IQCJ: variants seen among roughly 807,000 people sequenced by gnomAD.
IQCJ encodes IQ domain-containing protein J.
A neutral mutation model predicts 11.0 loss-of-function variants in IQCJ; 9 were observed. The observed-to-expected ratio is 0.82, with a 90% CI of 0.49 to 1.43. The LOEUF is 1.43. Ranked by LOEUF, IQCJ falls within the 40% of genes most tolerant of loss-of-function variation. IQCJ has a pLI of 0.00. For missense variants in IQCJ, 146 were observed against 133.2 expected (o/e 1.10, Z -0.47); for synonymous variants, 55 against 51.3 (o/e 1.07, Z -0.31).
chr3:159,138,844 A>G (rs945499900), intron 1 of IQCJ, among the ~76,000 whole-genome samples: 3 of 152,306 alleles, frequency 2.0e-5, no homozygotes, highest in East Asian at 1.9e-4. Flanking sequence ...ATAGTTTTCT[A>G]TACATATTTA....
chr3:159,200,071 G>A (rs1188681239), intron 1 of IQCJ, among the ~76,000 whole-genome samples: 3 of 109,950 alleles, frequency 2.7e-5, no homozygotes, highest in Non-Finnish European at 5.4e-5. Flanking sequence ...ATATATATGT[G>A]TGTGCATATA....
At chr3:159,132,692 A>C (rs1501287) in intron 1 of IQCJ, among the ~76,000 whole-genome samples, 102,303 of 152,024 alleles carry the variant, frequency 0.67, 34,580 homozygotes, top group East Asian at 0.71. Flanking sequence ...AATTTAGGAA[A>C]TTACTTGCTC....
At chr3:159,182,778 TTTA>T (rs1723172509) in intron 1 of IQCJ, among the ~76,000 whole-genome samples, 1 of 116,978 alleles carries the variant, frequency 8.5e-6, no homozygotes, top group Non-Finnish European at 1.8e-5. Flanking sequence ...TTTTATTTAT[TTTA>T]TTTTTTTTCA....
intron 1 of IQCJ, among the ~76,000 whole-genome samples, chr3:159,181,844 C>T (rs1340158170): frequency 6.6e-6 from 1 of 151,690 alleles, no homozygotes; most frequent in Admixed American, 6.6e-5. Flanking sequence ...GCACCATCTC[C>T]AAACTGATGT....
chr3:159,114,103 A>G (rs1460694106), intron 1 of IQCJ, among the ~76,000 whole-genome samples: 1 of 152,124 alleles, frequency 6.6e-6, no homozygotes, highest in African/African-American at 2.4e-5. Context: ...TAAAATTGGC[A>G]CTTGCTAATT....
chr3:159,150,676 C>A (rs1334695532), intron 1 of IQCJ, among the ~76,000 whole-genome samples: 1 of 151,934 alleles, frequency 6.6e-6, no homozygotes, highest in Non-Finnish European at 1.5e-5. Flanking sequence ...CATTTCTGTA[C>A]CCTTTGTGTC....
At chr3:159,091,533 C>T (rs1717283565) in intron 1 of IQCJ, among the ~76,000 whole-genome samples, 2 of 151,534 alleles carry the variant, frequency 1.3e-5, no homozygotes, top group African/African-American at 4.9e-5. Context: ...ATATCATCAC[C>T]TTGGGGATTA....
chr3:159,116,640 A>G (rs1210699094), intron 1 of IQCJ, among the ~76,000 whole-genome samples: 1 of 33,794 alleles, frequency 3.0e-5, no homozygotes, highest in African/African-American at 1.2e-4. Context: ...ATATATATAT[A>G]TATATATATA....
Position 159,159,822 on chromosome 3 carries a change from A to ACT in IQCJ, c.10-86008_10-86007dup, listed in dbSNP as rs564486416. Among the ~76,000 whole-genome samples, 114 of 149,892 alleles carry ACT rather than the reference A, an allele frequency of 7.6e-4. 3 individuals are homozygous for ACT. Among genetic ancestry groups the ACT allele is most frequent in the South Asian group, 6.8e-3 (32 of 4,722 alleles). On this transcript the variant is annotated intron_variant, in intron 1 of 3. Transcript: ENST00000397832. ...CCACAACTTTCCCTCTCTCTATATT[A>ACT]CTCTCTCTCTCTCTTTCTGTCTCTC...
At chr3:159,078,965 AATT>A (rs1240821012) in intron 1 of IQCJ, among the ~76,000 whole-genome samples, 2 of 152,096 alleles carry the variant, frequency 1.3e-5, no homozygotes, top group African/African-American at 4.8e-5. Flanking sequence ...TGGCAATAAT[AATT>A]ATTAATAATA....
intron 1 of IQCJ, among the ~76,000 whole-genome samples, chr3:159,191,682 C>A (rs1723698850): frequency 6.6e-6 from 1 of 152,150 alleles, no homozygotes; most frequent in Non-Finnish European, 1.5e-5. Context: ...ATCTGAGGAG[C>A]TACAAAGTAC....
rs368929112 is a variant in IQCJ at position 159,200,030 on chromosome 3, C to CTATATATATATATATATATATATA, written c.10-45795_10-45794insTATATATATATATATATATATATA. Among the ~76,000 whole-genome samples, 710 of 119,134 alleles carry CTATATATATATATATATATATATA rather than the reference C, an allele frequency of 6.0e-3. 7 individuals are homozygous for CTATATATATATATATATATATATA. Among genetic ancestry groups the CTATATATATATATATATATATATA allele is most frequent in the East Asian group, 9.6e-3 (34 of 3,526 alleles). 78.2% of individuals were successfully genotyped at this position (119,134 alleles called of 152,430 possible). A position where few individuals can be genotyped will look rare whatever the true frequency, so the allele number is the denominator to read the frequency against. On this transcript the variant is annotated intron_variant, in intron 1 of 3. Coordinates refer to ENST00000397832, the MANE Select transcript of IQCJ (RefSeq NM_001042706.3). ...TAAGATTGTTATAAGGAGTAAACGA[C>CTATATATATATATATATATATATA]TATATATATATATATATAAATCTAA...
intron 1 of IQCJ, among the ~76,000 whole-genome samples, chr3:159,117,569 T>C (rs984537133): frequency 1.3e-5 from 2 of 152,238 alleles, no homozygotes; most frequent in African/African-American, 4.8e-5. Flanking sequence ...AAAGCTGAAT[T>C]AGTAAAGAGT....
chr3:159,154,052 T>G (rs1391623730), intron 1 of IQCJ, among the ~76,000 whole-genome samples: 1 of 152,190 alleles, frequency 6.6e-6, no homozygotes, highest in African/African-American at 2.4e-5. Flanking sequence ...TGTTTGCCAC[T>G]AGGAAGCCCA....
chr3:159,203,670 G>C (rs1724483479), intron 1 of IQCJ, among the ~76,000 whole-genome samples: 1 of 152,072 alleles, frequency 6.6e-6, no homozygotes, highest in Non-Finnish European at 1.5e-5. Flanking sequence ...GTGAGAGAGA[G>C]AAGCGGGGAG....
At chr3:159,222,703 A>G (rs75429677) in intron 1 of IQCJ, among the ~76,000 whole-genome samples, 1,713 of 152,308 alleles carry the variant, frequency 0.011, 29 homozygotes, top group African/African-American at 0.04. Context: ...CTAAAAATAA[A>G]AAAGCAAAAG....
intron 1 of IQCJ, among the ~76,000 whole-genome samples, chr3:159,181,544 C>T (rs1330765235): frequency 2.7e-5 from 4 of 150,920 alleles, no homozygotes; most frequent in Non-Finnish European, 5.9e-5. Flanking sequence ...CAGGGATTTC[C>T]ACAGTCCTCT....
At chr3:159,074,041 A>G (rs888716349) in intron 1 of IQCJ, among the ~76,000 whole-genome samples, 2 of 152,082 alleles carry the variant, frequency 1.3e-5, no homozygotes, top group Non-Finnish European at 2.9e-5. Context: ...AATTTGGAGA[A>G]TATATGGAAA....
At chr3:159,261,873 C>G (rs544968350) in intron 3 of IQCJ, among the ~76,000 whole-genome samples, 1 of 152,216 alleles carries the variant, frequency 6.6e-6, no homozygotes, top group Non-Finnish European at 1.5e-5. Context: ...CTGAGTAGTA[C>G]GTAACACTTG....
Sources: gnomAD v4.1 joint callset for allele counts (sites outside exome capture counted in the v4.1 genomes callset) on GRCh38, gnomAD v4.1.1 for gene constraint, MANE v1.5 for transcripts, NCBI Gene and HGNC (gene_info 2026-07-23, HGNC 2026-07-21) for gene names.